The following MARCHF3 variants were observed in gnomAD, a reference collection of about 807,000 sequenced individuals.
MARCHF3 encodes E3 ubiquitin-protein ligase MARCHF3.
MARCHF3 carries 13 observed loss-of-function variants against 24.2 expected under a neutral mutation model. The ratio of observed to expected loss-of-function variants is 0.54; its 90% CI spans 0.35 to 0.85. The LOEUF is 0.85. MARCHF3 is among the 40% of genes least tolerant of loss of function. The pLI is 0.01. For synonymous variants in MARCHF3, 144 were observed against 137.3 expected (o/e 1.05, Z -0.34); for missense variants, 276 against 325.0 (o/e 0.85, Z 1.16).
chr5:126,920,011 C>T (rs1749048594), intron 1 of MARCHF3, among the ~76,000 whole-genome samples: 2 of 152,274 alleles, frequency 1.3e-5, no homozygotes, highest in South Asian at 2.1e-4. Context: ...GGTCAACTAA[C>T]TGACTAGGTT....
At chr5:127,010,635 A>G in intron 1 of MARCHF3, among the ~76,000 whole-genome samples, 1 of 152,208 alleles carries the variant, frequency 6.6e-6, no homozygotes, top group Non-Finnish European at 1.5e-5. Context: ...CCCTGGATCA[A>G]GCATGAAAAT....
chr5:127,019,999 T>C (rs978650947), intron 1 of MARCHF3, among the ~76,000 whole-genome samples: 4 of 152,158 alleles, frequency 2.6e-5, no homozygotes, highest in African/African-American at 4.8e-5. Context: ...AACACTGGCA[T>C]AGTCACCCAG....
chr5:126,999,158 T>C (rs1680091661), intron 1 of MARCHF3, among the ~76,000 whole-genome samples: 1 of 152,250 alleles, frequency 6.6e-6, no homozygotes, highest in African/African-American at 2.4e-5. Context: ...GGTGGTGAGC[T>C]GCAGGGCTCA....
At chr5:126,923,874 C>G (rs765938359) in intron 1 of MARCHF3, among the ~76,000 whole-genome samples, 6 of 152,170 alleles carry the variant, frequency 3.9e-5, no homozygotes, top group Non-Finnish European at 1.5e-5. Context: ...TGTGTTACCT[C>G]TACAACCAGA....
intron 4 of MARCHF3, among the ~76,000 whole-genome samples, chr5:126,874,357 G>T (rs1358061459): frequency 4.6e-5 from 7 of 152,212 alleles, no homozygotes; most frequent in Admixed American, 1.3e-4. Context: ...GGAGGCCGAG[G>T]CAGGCAGATC....
At chr5:127,027,634 T>A (rs568046949) in intron 1 of MARCHF3, among the ~76,000 whole-genome samples, 8 of 152,142 alleles carry the variant, frequency 5.3e-5, no homozygotes, top group Non-Finnish European at 8.8e-5. Context: ...AGGGCCAACC[T>A]GGAATAGGGA....
At chr5:127,023,772 ATAAAT>A (rs1240876797) in intron 1 of MARCHF3, among the ~76,000 whole-genome samples, 6 of 139,520 alleles carry the variant, frequency 4.3e-5, no homozygotes, top group African/African-American at 1.5e-4. Context: ...AAATAAATAA[ATAAAT>A]AAAAATAAAA....
chr5:127,027,517 G>C (rs547870329), intron 1 of MARCHF3, among the ~76,000 whole-genome samples: 2 of 152,156 alleles, frequency 1.3e-5, no homozygotes, highest in Non-Finnish European at 2.9e-5. Context: ...AGCATCCCAG[G>C]ACCCCACCGA....
intron 1 of MARCHF3, among the ~76,000 whole-genome samples, chr5:126,992,833 G>A (rs1363712630): frequency 3.4e-5 from 5 of 145,662 alleles, no homozygotes; most frequent in Non-Finnish European, 6.0e-5. Context: ...GTGCAGTGGC[G>A]CGATCTCTGT....
chr5:126,871,441 G>C (rs1235791794), intron 4 of MARCHF3, among the ~76,000 whole-genome samples: 1 of 152,126 alleles, frequency 6.6e-6, no homozygotes, highest in Non-Finnish European at 1.5e-5. Context: ...GGCTAGGTGG[G>C]GCACGACTCC....
At chr5:126,949,001 GA>G (rs554541759) in intron 1 of MARCHF3, among the ~76,000 whole-genome samples, 3 of 151,550 alleles carry the variant, frequency 2.0e-5, no homozygotes, top group Non-Finnish European at 4.4e-5. Flanking sequence ...TTACCATCAA[GA>G]AAAAAAACTT....
chr5:127,001,816 G>A (rs1312465304), intron 1 of MARCHF3, among the ~76,000 whole-genome samples: 5 of 152,186 alleles, frequency 3.3e-5, no homozygotes, highest in African/African-American at 7.2e-5. Context: ...ATTTGGTCCC[G>A]CCAGTAAGTC....
chr5:126,894,648 G>A lies in MARCHF3; in HGVS notation c.394-16254C>T, dbSNP rs368738122. 1.5e-3 allele frequency among the ~76,000 whole-genome samples: 231 copies of A among 152,022 alleles called. 1 individual carries two copies. The highest frequency in any genetic ancestry group is 2.6e-3 in the Non-Finnish European group (180 of 68,022). On this transcript the variant is annotated intron_variant, in intron 3 of 4. Coordinates refer to ENST00000308660, the MANE Select transcript of MARCHF3 (RefSeq NM_178450.5). ...TCTTCTGGCTTGTAGGGTTTCTGCCGAGAGATCCGCTGTTAGTCTGATGGG... is the reference window on the plus strand; with the variant it reads ...TCTTCTGGCTTGTAGGGTTTCTGCCAAGAGATCCGCTGTTAGTCTGATGGG...
rs1752893414 is a variant in MARCHF3 at position 126,869,582 on chromosome 5, C to CTTTTTTGTTTT, written c.*1050_*1051insAAAACAAAAAA. 1 of 79,832 alleles carries CTTTTTTGTTTT rather than the reference C, an allele frequency of 1.3e-5. No individual in the cohort carries two copies. The highest frequency in any genetic ancestry group is 2.1e-5 in the Non-Finnish European group (1 of 46,902). 4.9% of individuals were successfully genotyped at this position (79,832 alleles called of 1,614,324 possible). ...ATAAGTGCAGGGCTGCTAGGACAGGCTTTTTTTTTTTTTTTTTTTTTTGCC... is the reference window on the plus strand; with the variant it reads ...ATAAGTGCAGGGCTGCTAGGACAGGCTTTTTTGTTTTTTTTTTTTTTTTTTTTTTTTTTGCC... On this transcript the variant is annotated 3_prime_UTR_variant, in exon 5 of 5. Transcript: ENST00000308660.
At chr5:126,875,808 T>A (rs568179139) in intron 4 of MARCHF3, among the ~76,000 whole-genome samples, 1 of 152,224 alleles carries the variant, frequency 6.6e-6, no homozygotes, top group African/African-American at 2.4e-5. Context: ...GGTGCTTGCA[T>A]GTATGTTCTC....
At chr5:126,990,281 A>G (rs1269853769) in intron 1 of MARCHF3, among the ~76,000 whole-genome samples, 1 of 152,168 alleles carries the variant, frequency 6.6e-6, no homozygotes, top group East Asian at 1.9e-4. Context: ...AACCTGACAA[A>G]AACAAGAAAT....
intron 1 of MARCHF3, among the ~76,000 whole-genome samples, chr5:126,978,111 T>G (rs189658217): frequency 4.6e-5 from 7 of 152,362 alleles, no homozygotes; most frequent in Admixed American, 1.3e-4. Flanking sequence ...GTATTGTATG[T>G]TGGGAATCTT....
intron 1 of MARCHF3, among the ~76,000 whole-genome samples, chr5:126,931,170 AG>A (rs1749468563): frequency 6.6e-6 from 1 of 152,100 alleles, no homozygotes; most frequent in Non-Finnish European, 1.5e-5. Context: ...TCTAAGAAGG[AG>A]GGGAATGGGT....
At chr5:126,916,242 C>G (rs1213397102) in intron 2 of MARCHF3, among the ~76,000 whole-genome samples, 1 of 152,196 alleles carries the variant, frequency 6.6e-6, no homozygotes, top group Non-Finnish European at 1.5e-5. Flanking sequence ...GTTGCTTGTG[C>G]TATTCTTCAC....
Sources: gnomAD v4.1 joint callset for allele counts (sites outside exome capture counted in the v4.1 genomes callset) on GRCh38, gnomAD v4.1.1 for gene constraint, MANE v1.5 for transcripts, NCBI Gene and HGNC (gene_info 2026-07-23, HGNC 2026-07-21) for gene names.